The following CADM2 variants were observed in gnomAD, a reference collection of about 807,000 sequenced individuals.
The protein encoded by CADM2 is immunoglobulin superfamily member 4D.
CADM2 carries 12 observed loss-of-function variants against 49.8 expected under a neutral mutation model. That is an observed-to-expected ratio of 0.24 (90% CI 0.15 to 0.39). The LOEUF (loss-of-function observed/expected upper bound fraction) is 0.39. CADM2 is among the 10% of genes least tolerant of loss of function. CADM2 has a pLI of 1.00. For synonymous variants in CADM2, 214 were observed against 175.4 expected, an observed-to-expected ratio of 1.22 and a Z score of -1.74; for missense variants, 378 against 492.3, an observed-to-expected ratio of 0.77 and a Z score of 2.20.
At chr3:86,015,050 C>T in intron 8 of CADM2, 1 of 802,380 alleles carries the variant, frequency 1.2e-6, no homozygotes, top group Non-Finnish European at 2.1e-6. Flanking sequence ...TAATGGCGGA[C>T]ACACACGTTA....
intron 3 of CADM2, among the ~76,000 whole-genome samples, chr3:85,841,765 C>T (rs1170866524): frequency 6.6e-6 from 1 of 151,902 alleles, no homozygotes. Context: ...AATGAGATGC[C>T]TGCATATAAC....
At chr3:85,442,590 A>G (rs1442291509) in intron 1 of CADM2, among the ~76,000 whole-genome samples, 4 of 6,244 alleles carry the variant, frequency 6.4e-4, no homozygotes, top group Admixed American at 4.0e-3. Flanking sequence ...ATATATGAGT[A>G]TATATATATA....
In CADM2 at chr3:85,182,648, A is replaced by G. The variant is rs989921144; in HGVS notation, c.61+222980A>G. Among the ~76,000 whole-genome samples, 16 of 152,106 alleles carry G rather than the reference A, an allele frequency of 1.1e-4. 1 individual carries two copies. Among genetic ancestry groups the G allele is most frequent in the Non-Finnish European group, 1.5e-5 (1 of 67,980 alleles). ...TTTGATAAACATACTATCATTATGT[A>G]AAAAGCTAACATCGGGGAAACTGGG... On this transcript the variant is annotated intron_variant, in intron 1 of 9. Coordinates refer to ENST00000383699, the MANE Select transcript of CADM2 (RefSeq NM_001167675.2).
chr3:85,723,892 G>A (rs1434208677), intron 1 of CADM2, among the ~76,000 whole-genome samples: 2 of 151,914 alleles, frequency 1.3e-5, no homozygotes, highest in Non-Finnish European at 2.9e-5. Context: ...TTTTTCAAGT[G>A]ATGAATTTGA....
At chr3:85,443,630 T>A (rs2037310017) in intron 1 of CADM2, among the ~76,000 whole-genome samples, 1 of 152,186 alleles carries the variant, frequency 6.6e-6, no homozygotes, top group Non-Finnish European at 1.5e-5. Flanking sequence ...TTGACCGATT[T>A]GCAGTTTTCT....
At position 84,959,063 on chromosome 3, in the gene CADM2, T is replaced by TGCCGCC. The variant is rs1332845101; in HGVS notation, c.-539_-534dup. On this transcript the variant is annotated 5_prime_UTR_variant, in exon 1 of 10. Transcript: ENST00000383699. ...AGCCGGAGCATCCGGGAGCCGCCACTGCCGCCGCCGCTGCCGCTGCTACCG... is the reference window on the plus strand; with the variant it reads ...AGCCGGAGCATCCGGGAGCCGCCACTGCCGCCGCCGCCGCCGCTGCCGCTGCTACCG... The TGCCGCC allele has an allele frequency of 5.0e-4, 101 of 200,604 alleles. 2 individuals are homozygous for TGCCGCC. The South Asian group carries it at 6.2e-3, about 12-fold the overall frequency. The allele number at this position is 200,604 out of a possible 1,614,324, so 12.4% of individuals were successfully genotyped here.
intron 8 of CADM2, among the ~76,000 whole-genome samples, chr3:86,006,934 G>A (rs1016248108): frequency 2.0e-5 from 3 of 152,102 alleles, no homozygotes; most frequent in East Asian, 1.9e-4. Context: ...CCAGCTACTC[G>A]GGAGGCTGAG....
intron 2 of CADM2, among the ~76,000 whole-genome samples, chr3:85,781,395 T>G (rs1431829145): frequency 6.6e-6 from 1 of 152,188 alleles, no homozygotes; most frequent in Admixed American, 6.5e-5. Flanking sequence ...TATATTCTAC[T>G]TTCTCTTTCA....
intron 1 of CADM2, among the ~76,000 whole-genome samples, chr3:85,497,832 T>C (rs751476411): frequency 2.6e-5 from 4 of 152,082 alleles, no homozygotes; most frequent in Non-Finnish European, 5.9e-5. Flanking sequence ...GTCTATCTAT[T>C]TATCTATCTA....
chr3:85,878,057 A>G (rs1006584355), intron 3 of CADM2, among the ~76,000 whole-genome samples: 1 of 152,152 alleles, frequency 6.6e-6, no homozygotes, highest in African/African-American at 2.4e-5. Flanking sequence ...GTGTGGATGT[A>G]GGATTTACTT....
chr3:85,709,778 G>C (rs1248694336), intron 1 of CADM2, among the ~76,000 whole-genome samples: 1 of 152,064 alleles, frequency 6.6e-6, no homozygotes, highest in East Asian at 1.9e-4. Flanking sequence ...CCTTAAAAAA[G>C]AAGAGGCTAT....
At chr3:85,280,499 C>T (rs1275439308) in intron 1 of CADM2, among the ~76,000 whole-genome samples, 1 of 151,624 alleles carries the variant, frequency 6.6e-6, no homozygotes. Flanking sequence ...TAAATTTTGA[C>T]AATTTGACTA....
chr3:85,565,397 G>A (rs948046882), intron 1 of CADM2, among the ~76,000 whole-genome samples: 4 of 151,878 alleles, frequency 2.6e-5, no homozygotes, highest in South Asian at 4.1e-4. Flanking sequence ...TGAAGAAAAC[G>A]GCAGTGTGAC....
At chr3:85,871,499 G>T (rs561276853) in intron 3 of CADM2, among the ~76,000 whole-genome samples, 1 of 152,096 alleles carries the variant, frequency 6.6e-6, no homozygotes, top group African/African-American at 2.4e-5. Context: ...ACACTCATCT[G>T]TGCTCAGATA....
At chr3:86,042,960 C>G (rs1289520578) in intron 8 of CADM2, among the ~76,000 whole-genome samples, 1 of 152,142 alleles carries the variant, frequency 6.6e-6, no homozygotes, top group African/African-American at 2.4e-5. Context: ...AGCATATAAA[C>G]AGAACCAAAG....
chr3:85,689,232 T>C (rs2066309290), intron 1 of CADM2, among the ~76,000 whole-genome samples: 1 of 152,138 alleles, frequency 6.6e-6, no homozygotes. Context: ...GACAGAACGA[T>C]CACGGGAACC....
At chr3:85,788,713 A>G (rs1289192080) in intron 2 of CADM2, among the ~76,000 whole-genome samples, 1 of 152,014 alleles carries the variant, frequency 6.6e-6, no homozygotes, top group Non-Finnish European at 1.5e-5. Context: ...AAAAACCAGC[A>G]TGAAAACCAG....
chr3:85,830,769 G>C (rs914541979), intron 3 of CADM2, among the ~76,000 whole-genome samples: 1 of 150,400 alleles, frequency 6.6e-6, no homozygotes, highest in Non-Finnish European at 1.5e-5. Context: ...TTTTTATTTT[G>C]TTTTTGGTCA....
At chr3:85,019,643 A>G (rs1400139517) in intron 1 of CADM2, among the ~76,000 whole-genome samples, 1 of 152,164 alleles carries the variant, frequency 6.6e-6, no homozygotes, top group Non-Finnish European at 1.5e-5. Context: ...ATAGAGAAAC[A>G]AGGCTAGCAA....
Sources: gnomAD v4.1 joint callset for allele counts (sites outside exome capture counted in the v4.1 genomes callset) on GRCh38, gnomAD v4.1.1 for gene constraint, MANE v1.5 for transcripts, NCBI Gene and HGNC (gene_info 2026-07-23, HGNC 2026-07-21) for gene names.